Variants in DRC7 observed in about 807,000 individuals in gnomAD.
DRC7 encodes the protein dynein regulatory complex subunit 7.
Under a neutral mutation model 104.4 loss-of-function variants are expected in DRC7, and 80 were observed. That is an observed-to-expected ratio of 0.77 (90% CI 0.64 to 0.92). DRC7 has a LOEUF of 0.92. Among genes scored for constraint, DRC7 ranks in the 40% least tolerant of loss-of-function variants. The pLI, the probability that DRC7 is intolerant of heterozygous loss-of-function variation, is 0.00. For synonymous variants in DRC7, 405 were observed against 447.3 expected, an observed-to-expected ratio of 0.91 and a Z score of 1.19; for missense variants, 1,034 against 1,141.1, an observed-to-expected ratio of 0.91 and a Z score of 1.35.
intron 16 of DRC7, among the ~76,000 whole-genome samples, chr16:57,728,125 G>GTCAGATCC (rs1286121973): frequency 2.0e-5 from 3 of 152,254 alleles, no homozygotes; most frequent in South Asian, 2.1e-4. Context: ...ACATGATCCT[G>GTCAGATCC]TCAGATCCTC....
chr16:57,704,356 C>T (rs1425207370), intron 6 of DRC7, among the ~76,000 whole-genome samples: 1 of 149,742 alleles, frequency 6.7e-6, no homozygotes, highest in African/African-American at 2.5e-5. Context: ...ACTTAGCACA[C>T]ATTTGTAGAC....
intron 7 of DRC7, among the ~76,000 whole-genome samples, chr16:57,706,669 C>T (rs1227912617): frequency 9.7e-5 from 9 of 92,556 alleles, no homozygotes; most frequent in Middle Eastern, 7.9e-3. Context: ...CACCATCCTC[C>T]GATCCATCCA....
Position 57,722,757 on chromosome 16 carries a change from A to T in DRC7, c.1324A>T (p.Lys442Ter). 1 of 1,613,894 alleles carries T rather than the reference A, an allele frequency of 6.2e-7. No homozygotes were observed. Among genetic ancestry groups the T allele is most frequent in the Non-Finnish European group, 8.5e-7 (1 of 1,179,998 alleles). ...CPNGKKVIQY[K>*]RAKLEKWAPY... ...GAACGGGAAGAAGGTGATTCAGTACAAGAGGGCAAAGCTGGAGAAGTGGGC... is the reference window on the plus strand; with the variant it reads ...GAACGGGAAGAAGGTGATTCAGTACTAGAGGGCAAAGCTGGAGAAGTGGGC... The change falls in exon 11 of 19, where the codon AAG (lysine) becomes TAG (stop). Residue 442 changes from lysine to a stop codon, truncating the protein, a stop_gained. Coordinates refer to ENST00000360716, the MANE Select transcript of DRC7 (RefSeq NM_001289162.2). LOFTEE classifies it high-confidence loss of function.
At chr16:57,713,361 C>G (rs575946316) in intron 8 of DRC7, among the ~76,000 whole-genome samples, 2 of 152,190 alleles carry the variant, frequency 1.3e-5, no homozygotes, top group Non-Finnish European at 2.9e-5. Flanking sequence ...TTGGATTTCT[C>G]TATTTCTTCT....
At chr16:57,697,577 A>G (rs970663601) in intron 2 of DRC7, among the ~76,000 whole-genome samples, 5 of 152,076 alleles carry the variant, frequency 3.3e-5, no homozygotes, top group African/African-American at 4.8e-5. Context: ...TCAAAAAAAT[A>G]AAAAATTTAA....
intron 8 of DRC7, among the ~76,000 whole-genome samples, chr16:57,710,994 T>G (rs1438818811): frequency 6.6e-6 from 1 of 152,244 alleles, no homozygotes; most frequent in Non-Finnish European, 1.5e-5. Flanking sequence ...GCTGGCCTCA[T>G]GGAATGAGTT....
intron 14 of DRC7, 48 bp downstream of exon 14, chr16:57,726,331 G>C (rs1239171878): frequency 6.6e-7 from 1 of 1,511,956 alleles, no homozygotes; most frequent in East Asian, 2.3e-5. Flanking sequence ...AGGAGGAACC[G>C]GGGCTCTCTG....
intron 2 of DRC7, 91 bp downstream of exon 2, chr16:57,696,685 A>G (rs765624655): frequency 3.3e-5 from 5 of 152,244 alleles, no homozygotes; most frequent in Non-Finnish European, 5.9e-5. Context: ...CGTGGATCAC[A>G]GAATGAAGCC....
intron 8 of DRC7, among the ~76,000 whole-genome samples, chr16:57,715,214 AT>A (rs2048830099): frequency 1.3e-5 from 2 of 151,834 alleles, no homozygotes; most frequent in African/African-American, 4.8e-5. Flanking sequence ...CAAGTGGCTA[AT>A]TTTTTTGTAT....
chr16:57,703,142 G>T (rs1225568549), intron 6 of DRC7, among the ~76,000 whole-genome samples: 4 of 146,380 alleles, frequency 2.7e-5, no homozygotes. Context: ...GCCTTCCAAA[G>T]TGCTGGGATT....
intron 9 of DRC7, among the ~76,000 whole-genome samples, chr16:57,721,381 G>T (rs2048900324): frequency 6.6e-6 from 1 of 152,152 alleles, no homozygotes; most frequent in Non-Finnish European, 1.5e-5. Flanking sequence ...AGAGGGTGGG[G>T]CTTGGGTACC....
chr16:57,728,100 C>T (rs1218040143), intron 16 of DRC7, among the ~76,000 whole-genome samples: 3 of 152,272 alleles, frequency 2.0e-5, no homozygotes, highest in Non-Finnish European at 4.4e-5. Flanking sequence ...AGGCATCAGG[C>T]TGCGTGCTTT....
chr16:57,726,956 G>A lies in DRC7; in HGVS notation c.2085+14G>A, dbSNP rs866442962. 1 of 1,525,096 alleles carries A rather than the reference G, an allele frequency of 6.6e-7. No individual in the cohort carries two copies. Among genetic ancestry groups the A allele is most frequent in the Middle Eastern group, 1.7e-4 (1 of 5,890 alleles). The allele number at this position is 1,525,096 out of a possible 1,614,324, so 94.5% of individuals were successfully genotyped here. On this transcript the variant is annotated intron_variant, in intron 15 of 18. Coordinates refer to ENST00000360716, the MANE Select transcript of DRC7 (RefSeq NM_001289162.2). Reference sequence around the variant, plus strand: ...TCAGAGCTGGAGGTAGGGTCCTGTGGGAGAGTGAGCAGGTGGGCGGTATCT... The same window carrying A: ...TCAGAGCTGGAGGTAGGGTCCTGTGAGAGAGTGAGCAGGTGGGCGGTATCT...
chr16:57,713,228 C>A (rs1156509017), intron 8 of DRC7, among the ~76,000 whole-genome samples: 2 of 152,186 alleles, frequency 1.3e-5, no homozygotes, highest in Non-Finnish European at 2.9e-5. Flanking sequence ...GTGGAATGTT[C>A]TATAAATGTC....
At chr16:57,715,538 G>A (rs190867696) in intron 8 of DRC7, among the ~76,000 whole-genome samples, 218 of 152,350 alleles carry the variant, frequency 1.4e-3, no homozygotes, top group African/African-American at 4.7e-3. Flanking sequence ...CAAAGGAGAT[G>A]CCTCTCATCA....
At chr16:57,697,884 C>T in intron 2 of DRC7, 29 bp from the exon 3 acceptor site, 1 of 1,561,352 alleles carries the variant, frequency 6.4e-7, no homozygotes, top group African/African-American at 1.4e-5. Flanking sequence ...TGACAGTCGG[C>T]CATGGAGTAT....
At chr16:57,700,049 C>A in intron 4 of DRC7, 96 bp from the exon 5 acceptor site, 1 of 1,457,164 alleles carries the variant, frequency 6.9e-7, no homozygotes, top group South Asian at 1.3e-5. Flanking sequence ...TTGCTCAGGC[C>A]TCTAGGGTCC....
rs146569180 is a variant in DRC7, at chr16:57,704,977, G to T, written c.801G>T (p.Gln267His). Reference sequence around the variant, plus strand: ...AGCAGGAGCAAGAGGTGAAGAAGCAGCAGGAGATCAGAGCCCAGGAGAAGA... The same window carrying T: ...AGCAGGAGCAAGAGGTGAAGAAGCATCAGGAGATCAGAGCCCAGGAGAAGA... ...RFEQEQEVKK[Q>H]QEIRAQEKKR... The change falls in exon 7 of 19, where the codon CAG (glutamine) becomes CAT (histidine). Residue 267 changes from glutamine (Q) to histidine (H), a missense_variant. By Grantham distance (24) the Gln-to-His change is conservative. Transcript: ENST00000360716. 5 of 1,613,512 alleles carry T rather than the reference G, an allele frequency of 3.1e-6. No individual in the cohort carries two copies. The African/African-American group carries it at 6.7e-5, about 22-fold the overall frequency.
intron 2 of DRC7, among the ~76,000 whole-genome samples, chr16:57,697,396 C>A (rs1283905324): frequency 6.6e-6 from 1 of 151,384 alleles, no homozygotes; most frequent in Non-Finnish European, 1.5e-5. Context: ...ATAGCCAGAC[C>A]CTGTCTCTAC....
Sources: allele counts gnomAD v4.1 joint callset (sites outside exome capture counted in the v4.1 genomes callset), GRCh38; gene constraint gnomAD v4.1.1; transcripts MANE v1.5; gene names NCBI Gene and HGNC (gene_info 2026-07-23, HGNC 2026-07-21).